The following AKAP19 variants were observed in gnomAD, a reference collection of about 807,000 sequenced individuals.
AKAP19 encodes the protein small A-kinase anchoring protein.
the AKAP19 span, chr2:190,062,525 A>G: frequency 1.2e-6 from 2 of 1,613,358 alleles, no homozygotes; most frequent in East Asian, 2.2e-5. Context: ...CACTGTTCTC[A>G]TTTAGATCCA....
At chr2:190,135,113 G>A in the AKAP19 span, among the ~76,000 whole-genome samples, 1 of 152,092 alleles carries the variant, frequency 6.6e-6, no homozygotes, top group South Asian at 2.1e-4. Context: ...ACTAAAAGGT[G>A]AATTTGTTAT....
the AKAP19 span, among the ~76,000 whole-genome samples, chr2:189,950,154 A>G: frequency 6.7e-6 from 1 of 148,566 alleles, no homozygotes; most frequent in East Asian, 2.0e-4. Flanking sequence ...CAGCATCCCA[A>G]GTAGCTGGGA....
At chr2:190,153,100 T>A in the AKAP19 span, among the ~76,000 whole-genome samples, 1 of 152,208 alleles carries the variant, frequency 6.6e-6, no homozygotes, top group Non-Finnish European at 1.5e-5. Context: ...TTTCACCGTG[T>A]TAGCTAGGAT....
chr2:190,163,958 G>T, the AKAP19 span: 1 of 151,916 alleles, frequency 6.6e-6, no homozygotes, highest in Admixed American at 6.6e-5. Flanking sequence ...AAGGGAGCAT[G>T]AGAAGCACTG....
the AKAP19 span, among the ~76,000 whole-genome samples, chr2:190,078,630 A>G: frequency 1.4e-4 from 22 of 152,008 alleles, no homozygotes; most frequent in Non-Finnish European, 2.2e-4. Flanking sequence ...GTGAAATACC[A>G]TTTCTCATTC....
At chr2:189,897,186 G>T in the AKAP19 span, among the ~76,000 whole-genome samples, 1 of 151,976 alleles carries the variant, frequency 6.6e-6, no homozygotes, top group Non-Finnish European at 1.5e-5. Flanking sequence ...ATATTACTTC[G>T]TATTTCTTAT....
At chr2:189,949,432 G>T in the AKAP19 span, among the ~76,000 whole-genome samples, 1 of 151,632 alleles carries the variant, frequency 6.6e-6, no homozygotes, top group Admixed American at 6.6e-5. Context: ...AGCTACTCAG[G>T]AGGCTGAGGT....
At chr2:189,911,046 T>C in the AKAP19 span, among the ~76,000 whole-genome samples, 1 of 152,072 alleles carries the variant, frequency 6.6e-6, no homozygotes, top group African/African-American at 2.4e-5. Flanking sequence ...TTTGAATTGT[T>C]GGAAACTAGA....
the AKAP19 span, among the ~76,000 whole-genome samples, chr2:190,104,965 A>G: frequency 6.6e-6 from 1 of 152,200 alleles, no homozygotes; most frequent in Non-Finnish European, 1.5e-5. Context: ...CAGAATGGCT[A>G]TTATTAAAAA....
At chr2:190,138,003 C>T in the AKAP19 span, among the ~76,000 whole-genome samples, 837 of 57,398 alleles carry the variant, frequency 0.015, 5 homozygotes, top group Middle Eastern at 0.071. Context: ...TGGGTACTTT[C>T]GTATTTTGAA....
chr2:190,002,686 C>A, the AKAP19 span, among the ~76,000 whole-genome samples: 28 of 152,294 alleles, frequency 1.8e-4, no homozygotes, highest in East Asian at 5.2e-3. Flanking sequence ...CTTAAAACGC[C>A]TAACTGCTTT....
the AKAP19 span, among the ~76,000 whole-genome samples, chr2:190,167,007 A>G: frequency 6.6e-6 from 1 of 152,226 alleles, no homozygotes; most frequent in Non-Finnish European, 1.5e-5. Flanking sequence ...TAGATCATCT[A>G]TTAGAATTAT....
chr2:190,174,291 G>C, the AKAP19 span, among the ~76,000 whole-genome samples: 1 of 152,152 alleles, frequency 6.6e-6, no homozygotes, highest in South Asian at 2.1e-4. Context: ...GTTTTCACTT[G>C]GTGGCACTGA....
chr2:190,016,439 C>A, the AKAP19 span, among the ~76,000 whole-genome samples: 1 of 152,180 alleles, frequency 6.6e-6, no homozygotes, highest in African/African-American at 2.4e-5. Context: ...ATGGGGGACA[C>A]CAACCCCATG....
chr2:190,131,913 C>T, the AKAP19 span, among the ~76,000 whole-genome samples: 1 of 151,824 alleles, frequency 6.6e-6, no homozygotes, highest in East Asian at 1.9e-4. Flanking sequence ...ACAGCAGTCT[C>T]ATATATAGAA....
At chr2:189,991,056 TG>T in the AKAP19 span, among the ~76,000 whole-genome samples, 1 of 152,238 alleles carries the variant, frequency 6.6e-6, no homozygotes. Flanking sequence ...TAGTATTCCA[TG>T]GTATTATATA....
the AKAP19 span, among the ~76,000 whole-genome samples, chr2:189,956,533 G>A: frequency 6.6e-6 from 1 of 151,978 alleles, no homozygotes; most frequent in Non-Finnish European, 1.5e-5. Flanking sequence ...AAAAACTAGT[G>A]CTGCACTATA....
At chr2:189,888,810 G>A in the AKAP19 span, among the ~76,000 whole-genome samples, 21 of 152,206 alleles carry the variant, frequency 1.4e-4, no homozygotes, top group Admixed American at 1.4e-3. Flanking sequence ...AGACTTTGCT[G>A]AAGTTGGTTG....
At chr2:190,201,723 C>T in the AKAP19 span, 2 of 166,938 alleles carry the variant, frequency 1.2e-5, no homozygotes, top group South Asian at 2.1e-4. Context: ...TACCGAGTCC[C>T]GGGATTTGTA....
Sources: gnomAD v4.1 joint callset for allele counts (sites outside exome capture counted in the v4.1 genomes callset) on GRCh38, gnomAD v4.1.1 for gene constraint, MANE v1.5 for transcripts, NCBI Gene and HGNC (gene_info 2026-07-23, HGNC 2026-07-21) for gene names.